Variants in IL17B observed in about 807,000 individuals in gnomAD.
IL17B encodes interleukin-17B.
A neutral mutation model predicts 14.7 loss-of-function variants in IL17B; 14 were observed. The observed-to-expected ratio is 0.95, with a 90% confidence interval of 0.63 to 1.49. The LOEUF (loss-of-function observed/expected upper bound fraction) is 1.49. Among genes scored for constraint, IL17B ranks in the 40% most tolerant of loss-of-function variants. The pLI is 0.00. For missense variants in IL17B, 233 were observed against 252.8 expected, an observed-to-expected ratio of 0.92 and a Z score of 0.53; for synonymous variants, 105 against 94.8, an observed-to-expected ratio of 1.11 and a Z score of -0.62.
At chr5:149,403,002 CAA>C (rs36121550) in intron 1 of IL17B, among the ~76,000 whole-genome samples, 1,735 of 60,582 alleles carry the variant, frequency 0.029, 20 homozygotes, top group African/African-American at 0.1. Flanking sequence ...GACTCCATCT[CAA>C]AAAAAAAAAA....
chr5:149,400,163 T>G (rs1054631619), intron 1 of IL17B, among the ~76,000 whole-genome samples: 2 of 152,108 alleles, frequency 1.3e-5, no homozygotes, highest in African/African-American at 4.8e-5. Context: ...TTAGTTAATA[T>G]GAGGTCAGAC....
upstream of IL17B, among the ~76,000 whole-genome samples, chr5:149,379,527 CGCCTGTG>C (rs1419405852): frequency 6.6e-6 from 1 of 152,222 alleles, no homozygotes; most frequent in Non-Finnish European, 1.5e-5. Context: ...GTGGCACCTC[CGCCTGTG>C]GCCTGCGGCC....
chr5:149,395,582 G>A (rs1264586152), intron 1 of IL17B, among the ~76,000 whole-genome samples: 1 of 152,224 alleles, frequency 6.6e-6, no homozygotes, highest in East Asian at 1.9e-4. Flanking sequence ...TCAGGCAAAT[G>A]CGACTTTAAT....
At chr5:149,386,826 C>T (rs1342596753) in intron 1 of IL17B, among the ~76,000 whole-genome samples, 1 of 152,178 alleles carries the variant, frequency 6.6e-6, no homozygotes, top group Non-Finnish European at 1.5e-5. Context: ...ATGCCTCAGC[C>T]TCCCAAGTAG....
rs1342903331 is a variant in IL17B, at chr5:149,392,951, CGTGTGTGCGTGT to C, written n.95+11145_95+11156del. On this transcript the variant is annotated intron_variant and non_coding_transcript_variant, in intron 1 of 2. Transcript: ENST00000505432. ...GTGTGTGTACGTGCGTGTGTGCGTG[CGTGTGTGCGTGT>C]GTGTGCGCGCGTGCGTGTGTGTGTG... Among the ~76,000 whole-genome samples, 378 of 134,916 alleles carry C rather than the reference CGTGTGTGCGTGT, an allele frequency of 2.8e-3. 5 individuals carry two copies. The highest frequency in any genetic ancestry group is 0.023 in the Admixed American group (316 of 13,680). The allele number at this position is 134,916 out of a possible 152,430, so 88.5% of individuals were successfully genotyped here.
rs560682874 is a variant in IL17B at position 149,374,306 on chromosome 5, C to T, written c.*63G>A. 2.1e-4 allele frequency: 309 copies of T among 1,440,094 alleles called. 1 individual carries two copies. Among genetic ancestry groups the T allele is most frequent in the Admixed American group, 1.8e-3 (80 of 44,042 alleles). 89.2% of individuals were successfully genotyped at this position (1,440,094 alleles called of 1,614,324 possible). On this transcript the variant is annotated 3_prime_UTR_variant, in exon 3 of 3. Coordinates refer to ENST00000261796, the MANE Select transcript of IL17B (RefSeq NM_014443.3). This position sits in a 1 kb window ranked among gnomAD's most constrained non-coding sequence, Gnocchi z 5.0. The stretch of plus-strand genomic sequence containing the variant: ...CAGTGTTTACTTTTCATAGGCCTTT[C>T]TTGGCACAAAGGTGCAAGGAGGATG...
chr5:149,391,799 T>A, intron 1 of IL17B, among the ~76,000 whole-genome samples: 1 of 152,164 alleles, frequency 6.6e-6, no homozygotes, highest in Non-Finnish European at 1.5e-5. Flanking sequence ...CTGACTGGTG[T>A]GCATGACTTC....
chr5:149,383,498 C>T (rs537392863), upstream of IL17B, among the ~76,000 whole-genome samples: 73 of 152,300 alleles, frequency 4.8e-4, no homozygotes, highest in Admixed American at 1.5e-3. Context: ...TTGCTGGCTG[C>T]GACCAGGAGG....
At chr5:149,403,692 G>A (rs1489315458) in intron 1 of IL17B, among the ~76,000 whole-genome samples, 1 of 152,108 alleles carries the variant, frequency 6.6e-6, no homozygotes, top group East Asian at 1.9e-4. Context: ...AGAACAGAAA[G>A]GGTGAAGTGA....
At chr5:149,388,571 A>G (rs1758874859) in intron 1 of IL17B, among the ~76,000 whole-genome samples, 1 of 152,170 alleles carries the variant, frequency 6.6e-6, no homozygotes, top group African/African-American at 2.4e-5. Context: ...TTGCGAATAT[A>G]CAGAGCAAAA....
intron 1 of IL17B, among the ~76,000 whole-genome samples, chr5:149,390,207 G>A (rs1022032157): frequency 1.4e-5 from 2 of 145,310 alleles, no homozygotes; most frequent in African/African-American, 5.0e-5. Flanking sequence ...TGCTATTACT[G>A]GTATTAGTGA....
chr5:149,376,230 G>T (rs1252187065), intron 2 of IL17B, among the ~76,000 whole-genome samples: 1 of 152,186 alleles, frequency 6.6e-6, no homozygotes, highest in Non-Finnish European at 1.5e-5. Context: ...CCTGCTGTGC[G>T]CCCTGATCAC....
chr5:149,378,930 A>G (rs537179100), intron 1 of IL17B, among the ~76,000 whole-genome samples: 1 of 151,288 alleles, frequency 6.6e-6, no homozygotes, highest in African/African-American at 2.4e-5. Context: ...CTTTGGAAAA[A>G]CCCCGATAAC....
At chr5:149,383,641 A>G (rs999723275), upstream of IL17B, among the ~76,000 whole-genome samples, 1 of 152,138 alleles carries the variant, frequency 6.6e-6, no homozygotes, top group African/African-American at 2.4e-5. Flanking sequence ...CCCAGCCAAG[A>G]GGTGCTATTT....
chr5:149,377,181 C>T (rs1758568057), intron 1 of IL17B, among the ~76,000 whole-genome samples, 156 bp from the exon 2 acceptor site: 1 of 152,234 alleles, frequency 6.6e-6, no homozygotes, highest in Non-Finnish European at 1.5e-5. Context: ...TCAGATTACC[C>T]CCTGTTTCCT....
intron 1 of IL17B, among the ~76,000 whole-genome samples, chr5:149,400,014 G>A (rs1273211927): frequency 6.6e-6 from 1 of 152,074 alleles, no homozygotes; most frequent in East Asian, 1.9e-4. Flanking sequence ...CCCCTATATG[G>A]GTTTGTCCAC....
At chr5:149,377,767 G>T (rs560465490) in intron 1 of IL17B, among the ~76,000 whole-genome samples, 5 of 151,804 alleles carry the variant, frequency 3.3e-5, no homozygotes, top group Non-Finnish European at 5.9e-5. Context: ...GGCATGGCAG[G>T]CATGGGCTGA....
upstream of IL17B, among the ~76,000 whole-genome samples, chr5:149,383,184 C>T (rs1354596107): frequency 4.6e-5 from 7 of 152,220 alleles, no homozygotes; most frequent in Non-Finnish European, 8.8e-5. Flanking sequence ...CACGTTAAAG[C>T]GCTTAGCACA....
At position 149,374,628 on chromosome 5, in the gene IL17B, C is replaced by T. The variant is rs376977762; in HGVS notation, c.312-28G>A. 6.3e-5 allele frequency: 100 copies of T among 1,578,214 alleles called. No homozygotes were observed. The highest frequency in any genetic ancestry group is 7.7e-5 in the Non-Finnish European group (89 of 1,153,056). ...GCAGGGAGCAGAAGAAAGAGCAGAG[C>T]GGAAGGTGATCAGGAAAGGGCCAGT... is the stretch of plus-strand genomic sequence containing the variant. On this transcript the variant is annotated intron_variant, in intron 2 of 2. Coordinates refer to ENST00000261796, the MANE Select transcript of IL17B (RefSeq NM_014443.3). The surrounding 1 kb of genome is among the most constrained non-coding windows in gnomAD (Gnocchi z 5.0).
Sources: allele counts gnomAD v4.1 joint callset (sites outside exome capture counted in the v4.1 genomes callset), GRCh38; gene constraint gnomAD v4.1.1; non-coding constraint Gnocchi (gnomAD v3.1); transcripts MANE v1.5; gene names NCBI Gene and HGNC (gene_info 2026-07-23, HGNC 2026-07-21).